TLN2: variants seen among roughly 807,000 people sequenced by gnomAD.
TLN2 encodes the protein talin-2.
In TLN2, 118 loss-of-function variants were observed where a neutral mutation model predicts 294.7. The ratio of observed to expected loss-of-function variants is 0.40; its 90% CI spans 0.34 to 0.47. The LOEUF (loss-of-function observed/expected upper bound fraction) is 0.47, where lower values mean the gene tolerates loss of function less well. Among genes scored for constraint, TLN2 ranks in the 20% least tolerant of loss-of-function variants. The pLI is 0.84. For synonymous variants in TLN2, 1,431 were observed against 1,304.5 expected, an observed-to-expected ratio of 1.10 and a Z score of -2.09; for missense variants, 3,083 against 3,282.2, an observed-to-expected ratio of 0.94 and a Z score of 1.48.
At chr15:62,544,871 G>A (rs1037347507) in intron 1 of TLN2, among the ~76,000 whole-genome samples, 1 of 151,890 alleles carries the variant, frequency 6.6e-6, no homozygotes, top group African/African-American at 2.4e-5. Context: ...AATGCTAGTG[G>A]CAACACATTG....
intron 9 of TLN2, among the ~76,000 whole-genome samples, chr15:62,670,726 T>C (rs1476268570): frequency 6.6e-6 from 1 of 152,240 alleles, no homozygotes; most frequent in African/African-American, 2.4e-5. Flanking sequence ...TTTTGAGTTA[T>C]TATCATCTTT....
chr15:62,561,269 G>A (rs2042933306), intron 1 of TLN2: 1 of 152,224 alleles, frequency 6.6e-6, no homozygotes, highest in South Asian at 2.1e-4. Context: ...GGGTTCTACA[G>A]TCCAATCTCT....
chr15:62,738,505 C>T (rs894939146), intron 30 of TLN2, among the ~76,000 whole-genome samples, 172 bp downstream of exon 30: 3 of 152,170 alleles, frequency 2.0e-5, no homozygotes, highest in Non-Finnish European at 2.9e-5. Context: ...AACAAAGTTC[C>T]CAGGTGGAGC....
At chr15:62,764,580 T>C (rs976222121) in intron 40 of TLN2, among the ~76,000 whole-genome samples, 1 of 152,206 alleles carries the variant, frequency 6.6e-6, no homozygotes, top group Non-Finnish European at 1.5e-5. Flanking sequence ...AAAGTCCGTA[T>C]GTATATGCAT....
chr15:62,707,923 T>C (rs1452881180), intron 20 of TLN2, among the ~76,000 whole-genome samples: 6 of 152,136 alleles, frequency 3.9e-5, no homozygotes, highest in African/African-American at 1.2e-4. Flanking sequence ...GTTTCTGGAA[T>C]TGATGGCCTG....
At chr15:62,829,301 C>T (rs1231791255) in intron 54 of TLN2, 2 of 152,068 alleles carry the variant, frequency 1.3e-5, no homozygotes, top group Non-Finnish European at 2.9e-5. Flanking sequence ...CACAGTTCCA[C>T]ATGGCTGGGG....
intron 1 of TLN2, among the ~76,000 whole-genome samples, chr15:62,474,263 A>G (rs756042140): frequency 2.0e-5 from 3 of 152,172 alleles, no homozygotes; most frequent in Non-Finnish European, 4.4e-5. Context: ...AATTGTCTCT[A>G]TGTTCTCCTT....
chr15:62,696,238 T>A (rs1199784191), intron 14 of TLN2, among the ~76,000 whole-genome samples: 1 of 152,160 alleles, frequency 6.6e-6, no homozygotes, highest in East Asian at 1.9e-4. Context: ...GAGGTCCCTG[T>A]CTCTTCATGC....
intron 1 of TLN2, among the ~76,000 whole-genome samples, chr15:62,397,055 A>G (rs558710440): frequency 3.3e-5 from 5 of 152,094 alleles, no homozygotes; most frequent in African/African-American, 9.6e-5. Context: ...TGGTTTTCCT[A>G]ATTGAGGCCC....
At chr15:62,483,415 C>T (rs1037102176) in intron 1 of TLN2, among the ~76,000 whole-genome samples, 8 of 152,176 alleles carry the variant, frequency 5.3e-5, no homozygotes, top group Non-Finnish European at 1.2e-4. Context: ...AGACCTCTTT[C>T]GGGCCAGAAC....
chr15:62,681,354 C>T (rs2056810974), intron 11 of TLN2, among the ~76,000 whole-genome samples: 1 of 152,108 alleles, frequency 6.6e-6, no homozygotes, highest in African/African-American at 2.4e-5. Flanking sequence ...ATTAGAAACT[C>T]TAAATAAGTA....
chr15:62,836,634 A>G (rs1201995109), intron 57 of TLN2, among the ~76,000 whole-genome samples: 1 of 151,294 alleles, frequency 6.6e-6, no homozygotes, highest in Admixed American at 6.6e-5. Flanking sequence ...CCCAGAGCCC[A>G]GAGAACATGT....
intron 1 of TLN2, among the ~76,000 whole-genome samples, chr15:62,412,535 T>C (rs903867726): frequency 6.6e-6 from 1 of 152,180 alleles, no homozygotes; most frequent in Non-Finnish European, 1.5e-5. Flanking sequence ...CCCAAATGTG[T>C]CACAATTCTT....
At chr15:62,827,517 G>A (rs2141231272) in intron 54 of TLN2, among the ~76,000 whole-genome samples, 1 of 152,294 alleles carries the variant, frequency 6.6e-6, no homozygotes, top group African/African-American at 2.4e-5. Flanking sequence ...AGACTCCACA[G>A]TCACATAGTC....
intron 1 of TLN2, among the ~76,000 whole-genome samples, chr15:62,478,378 G>A (rs920122572): frequency 2.6e-5 from 4 of 152,054 alleles, no homozygotes; most frequent in African/African-American, 9.7e-5. Context: ...CCCACCCTCA[G>A]CTTAGACCCA....
At chr15:62,667,428 T>G (rs1205639883) in intron 9 of TLN2, among the ~76,000 whole-genome samples, 4 of 152,168 alleles carry the variant, frequency 2.6e-5, no homozygotes, top group Non-Finnish European at 5.9e-5. Flanking sequence ...ATCCTTTGGG[T>G]GATGCTGTCC....
At chr15:62,710,151 T>C (rs2059333736) in intron 21 of TLN2, among the ~76,000 whole-genome samples, 2 of 152,360 alleles carry the variant, frequency 1.3e-5, no homozygotes, top group Middle Eastern at 3.4e-3. Flanking sequence ...AGTTTTTTTG[T>C]TTGTTAGTTC....
chr15:62,448,098 C>A (rs551474901), intron 1 of TLN2, among the ~76,000 whole-genome samples: 3 of 152,162 alleles, frequency 2.0e-5, no homozygotes, highest in African/African-American at 7.2e-5. Context: ...ATTTAGGAGA[C>A]GAACTTGGAG....
chr15:62,649,958 G>A (rs960538666), intron 4 of TLN2, 126 bp from the exon 5 acceptor site: 15 of 899,942 alleles, frequency 1.7e-5, no homozygotes, highest in African/African-American at 3.3e-5. Context: ...TTGTCAAAAC[G>A]AAACATTGCT....
Sources: gnomAD v4.1 joint callset for allele counts (sites outside exome capture counted in the v4.1 genomes callset) on GRCh38, gnomAD v4.1.1 for gene constraint, MANE v1.5 for transcripts, NCBI Gene and HGNC (gene_info 2026-07-23, HGNC 2026-07-21) for gene names.